Variants in ATXN7L1 observed in about 807,000 individuals in gnomAD.
ATXN7L1 encodes ataxin 7 like 1, also known as ataxin-7-like protein 1.
A neutral mutation model predicts 70.8 loss-of-function variants in ATXN7L1; 15 were observed. The ratio of observed to expected loss-of-function variants is 0.21; its 90% CI spans 0.14 to 0.33. ATXN7L1 has a LOEUF of 0.33. Ranked by LOEUF, ATXN7L1 falls within the 10% of genes least tolerant of loss-of-function variation. The pLI is 1.00. For missense variants in ATXN7L1, 975 were observed against 1,097.1 expected (o/e 0.89, Z 1.57); for synonymous variants, 440 against 445.1 (o/e 0.99, Z 0.14).
intron 9 of ATXN7L1, among the ~76,000 whole-genome samples, chr7:105,618,612 G>A (rs1389241697): frequency 6.6e-6 from 1 of 152,110 alleles, no homozygotes; most frequent in Non-Finnish European, 1.5e-5. Flanking sequence ...TTTGACTTCT[G>A]TTCCCTCCCG....
chr7:105,643,232 A>C, intron 4 of ATXN7L1, 111 bp from the exon 5 acceptor site: 1 of 1,245,082 alleles, frequency 8.0e-7, no homozygotes, highest in Non-Finnish European at 1.1e-6. Context: ...ACTTATTTAT[A>C]CTCCTTCTAT....
chr7:105,758,266 A>G (rs1362216933), intron 3 of ATXN7L1, among the ~76,000 whole-genome samples: 3 of 152,146 alleles, frequency 2.0e-5, no homozygotes, highest in Non-Finnish European at 4.4e-5. Context: ...CCATCAGCTC[A>G]CTTCTCCTCC....
intron 3 of ATXN7L1, among the ~76,000 whole-genome samples, chr7:105,741,943 C>G (rs540478368): frequency 1.3e-5 from 2 of 152,184 alleles, no homozygotes; most frequent in Non-Finnish European, 2.9e-5. Flanking sequence ...GATTCTCTCT[C>G]GCAGCCCTCA....
In ATXN7L1 at chr7:105,660,576, C is replaced by CTTTTTT. The variant is rs34008024; in HGVS notation, c.578+4484_578+4489dup. ...GTCCTTCTAATTTAGCGGAAGTGAC[C>CTTTTTT]TTTTTTTTTTTTTTTTTTTTTTTTG... On this transcript the variant is annotated intron_variant, in intron 4 of 11. Coordinates refer to ENST00000419735, the MANE Select transcript of ATXN7L1 (RefSeq NM_020725.2). Among the ~76,000 whole-genome samples, 43 of 78,156 alleles carry CTTTTTT rather than the reference C, an allele frequency of 5.5e-4. 1 individual carries two copies. Among genetic ancestry groups the CTTTTTT allele is most frequent in the Admixed American group, 7.8e-4 (4 of 5,136 alleles). 51.3% of individuals were successfully genotyped at this position (78,156 alleles called of 152,430 possible). A position where few individuals can be genotyped will look rare whatever the true frequency, so the allele number is the denominator to read the frequency against.
chr7:105,718,208 G>T (rs2116291637), intron 3 of ATXN7L1, among the ~76,000 whole-genome samples: 1 of 152,304 alleles, frequency 6.6e-6, no homozygotes, highest in East Asian at 1.9e-4. Flanking sequence ...ATGCTAGATA[G>T]CCCCACACCT....
At chr7:105,732,429 G>T (rs1307245487) in intron 3 of ATXN7L1, among the ~76,000 whole-genome samples, 3 of 152,116 alleles carry the variant, frequency 2.0e-5, no homozygotes, top group African/African-American at 7.2e-5. Flanking sequence ...CCTAAGTACA[G>T]ATTACTAATG....
At chr7:105,770,987 G>A (rs780557592) in intron 3 of ATXN7L1, among the ~76,000 whole-genome samples, 3 of 151,966 alleles carry the variant, frequency 2.0e-5, no homozygotes, top group Non-Finnish European at 4.4e-5. Context: ...GGATCACGAG[G>A]TCAGGAGTTC....
chr7:105,813,606 G>A (rs1192893918), intron 2 of ATXN7L1, among the ~76,000 whole-genome samples: 1 of 152,010 alleles, frequency 6.6e-6, no homozygotes, highest in Admixed American at 6.6e-5. Context: ...CAAAGTGCTG[G>A]GATTACAGGC....
At chr7:105,611,572 A>G (rs1407511632) in intron 10 of ATXN7L1, among the ~76,000 whole-genome samples, 4 of 152,300 alleles carry the variant, frequency 2.6e-5, no homozygotes, top group East Asian at 3.9e-4. Context: ...GGGTTTTGCC[A>G]TGTTGGCCAG....
intron 3 of ATXN7L1, among the ~76,000 whole-genome samples, chr7:105,779,885 T>TA (rs1010497860): frequency 1.3e-5 from 2 of 152,200 alleles, no homozygotes; most frequent in African/African-American, 4.8e-5. Flanking sequence ...CTTCTGATGT[T>TA]AAAAAAATCT....
At position 105,736,512 on chromosome 7, in the gene ATXN7L1, T is replaced by C. The variant is rs530231284; in HGVS notation, c.355+52092A>G. On this transcript the variant is annotated intron_variant, in intron 3 of 11. Transcript: ENST00000419735. ...TGAAGCTATGGCAATTGCAGTTTTGTGGAACACGTTTAAGGCTCTGATGGG... is the reference window on the plus strand; with the variant it reads ...TGAAGCTATGGCAATTGCAGTTTTGCGGAACACGTTTAAGGCTCTGATGGG... 1.2e-4 allele frequency among the ~76,000 whole-genome samples: 18 copies of C among 152,310 alleles called. No individual in the cohort carries two copies. In the South Asian group the frequency reaches 3.7e-3, roughly 32 times the overall value.
Position 105,874,190 on chromosome 7 carries a change from T to C in ATXN7L1, c.250+1622A>G, listed in dbSNP as rs1310199686. 2.6e-5 allele frequency among the ~76,000 whole-genome samples: 4 copies of C among 151,786 alleles called. No homozygotes were observed. In the East Asian group the frequency reaches 7.7e-4, roughly 29 times the overall value. On this transcript the variant is annotated intron_variant, in intron 2 of 11. Transcript: ENST00000419735. The stretch of plus-strand genomic sequence containing the variant: ...AGAGAATCTGAGAACAACAGTCTTC[T>C]GAAATAGAAACAGGGACTGGGGGGA...
At chr7:105,858,620 C>T (rs1816085175) in intron 2 of ATXN7L1, among the ~76,000 whole-genome samples, 1 of 152,156 alleles carries the variant, frequency 6.6e-6, no homozygotes, top group Admixed American at 6.5e-5. Flanking sequence ...TGGTCACCAC[C>T]TTACGAAGTC....
At chr7:105,733,593 TC>T (rs1796904434) in intron 3 of ATXN7L1, among the ~76,000 whole-genome samples, 1 of 122,354 alleles carries the variant, frequency 8.2e-6, no homozygotes, top group African/African-American at 3.2e-5. Flanking sequence ...CATCCATCCA[TC>T]CATCCATCCA....
chr7:105,632,064 G>A (rs1398474755), intron 7 of ATXN7L1, among the ~76,000 whole-genome samples: 2 of 152,288 alleles, frequency 1.3e-5, no homozygotes, highest in Admixed American at 1.3e-4. Flanking sequence ...AATTTTGGTC[G>A]ACAACCTCAC....
intron 7 of ATXN7L1, among the ~76,000 whole-genome samples, chr7:105,636,824 C>A (rs1325948155): frequency 6.6e-6 from 1 of 152,152 alleles, no homozygotes; most frequent in Non-Finnish European, 1.5e-5. Context: ...CATGTGTGAG[C>A]TTAGCCGGCT....
At chr7:105,857,666 C>G (rs1815930664) in intron 2 of ATXN7L1, among the ~76,000 whole-genome samples, 1 of 152,198 alleles carries the variant, frequency 6.6e-6, no homozygotes, top group South Asian at 2.1e-4. Context: ...CTTCCTTCCC[C>G]AGGTTAAAGT....
At chr7:105,831,114 G>A (rs752700993) in intron 2 of ATXN7L1, among the ~76,000 whole-genome samples, 46 of 152,192 alleles carry the variant, frequency 3.0e-4, no homozygotes, top group Non-Finnish European at 5.9e-4. Context: ...CCGTAGATGG[G>A]GTGACTGGGG....
intron 3 of ATXN7L1, among the ~76,000 whole-genome samples, chr7:105,740,120 T>G (rs906436301): frequency 3.9e-5 from 6 of 152,206 alleles, no homozygotes; most frequent in African/African-American, 1.4e-4. Context: ...CACTAGTGGG[T>G]TGAGATAATT....
Sources: gnomAD v4.1 joint callset for allele counts (sites outside exome capture counted in the v4.1 genomes callset) on GRCh38, gnomAD v4.1.1 for gene constraint, MANE v1.5 for transcripts, NCBI Gene and HGNC (gene_info 2026-07-23, HGNC 2026-07-21) for gene names.